The following VPS13B variants were observed in gnomAD, a reference collection of about 807,000 sequenced individuals.
The protein encoded by VPS13B is intermembrane lipid transfer protein VPS13B.
In VPS13B, 285 loss-of-function variants were observed where a neutral mutation model predicts 426.4. The observed-to-expected ratio is 0.67, with a 90% confidence interval of 0.61 to 0.74. The LOEUF is 0.74. Ranked by LOEUF, VPS13B falls within the 30% of genes least tolerant of loss-of-function variation. The pLI is 0.00. For synonymous variants in VPS13B, 1,676 were observed against 1,676.4 expected, an observed-to-expected ratio of 1.00 and a Z score of 0.01; for missense variants, 4,537 against 4,782.6, an observed-to-expected ratio of 0.95 and a Z score of 1.51.
At chr8:99,679,442 C>CT (rs1408395658) in intron 35 of VPS13B, among the ~76,000 whole-genome samples, 1 of 152,076 alleles carries the variant, frequency 6.6e-6, no homozygotes, top group African/African-American at 2.4e-5. Flanking sequence ...ATAATTAGAA[C>CT]TTTTGTGTTG....
chr8:99,132,430 C>T (rs1187723768), intron 8 of VPS13B, among the ~76,000 whole-genome samples: 2 of 152,142 alleles, frequency 1.3e-5, no homozygotes, highest in Non-Finnish European at 2.9e-5. Flanking sequence ...CTTCCTCCAC[C>T]TAAGTCTTGA....
intron 19 of VPS13B, among the ~76,000 whole-genome samples, chr8:99,300,792 C>T (rs1451775338): frequency 1.3e-5 from 2 of 151,754 alleles, no homozygotes; most frequent in African/African-American, 4.8e-5. Flanking sequence ...TGCTGTGTAC[C>T]TCAAGTATCC....
intron 6 of VPS13B, among the ~76,000 whole-genome samples, chr8:99,115,302 AT>A (rs1200403101): frequency 2.0e-5 from 3 of 152,038 alleles, no homozygotes; most frequent in Non-Finnish European, 4.4e-5. Context: ...ATGACATAAA[AT>A]TTTTATTATT....
chr8:99,181,256 TATCGAGTGAAA>T (rs1812932079), intron 16 of VPS13B, among the ~76,000 whole-genome samples: 1 of 152,170 alleles, frequency 6.6e-6, no homozygotes, highest in South Asian at 2.1e-4. Flanking sequence ...TCATGATAAA[TATCGAGTGAAA>T]AAAGGTCACA....
At chr8:99,572,241 A>G (rs1825513952) in intron 31 of VPS13B, among the ~76,000 whole-genome samples, 1 of 152,242 alleles carries the variant, frequency 6.6e-6, no homozygotes, top group East Asian at 1.9e-4. Context: ...GATCTATACC[A>G]GCACAAACTT....
chr8:99,836,335 A>T (rs1007110030), intron 54 of VPS13B, among the ~76,000 whole-genome samples: 1 of 152,184 alleles, frequency 6.6e-6, no homozygotes, highest in East Asian at 1.9e-4. Flanking sequence ...ATATATTTAT[A>T]GTGTTGTATA....
rs188622286 is a variant in VPS13B at position 99,323,129 on chromosome 8, A to G, written c.2824+47875A>G. ...TTCGTTCCTTTTGAGCAAGGGAGGA[A>G]GTACAGGTGAATGTGTTTAATAGAT... is the stretch of plus-strand genomic sequence containing the variant. On this transcript the variant is annotated intron_variant, in intron 19 of 61. Transcript: ENST00000357162. Among the ~76,000 whole-genome samples, 26 of 152,334 alleles carry G rather than the reference A, an allele frequency of 1.7e-4. No individual in the cohort carries two copies. In the East Asian group the frequency reaches 4.4e-3, roughly 26 times the overall value.
chr8:99,156,786 T>G (rs1380793019), intron 15 of VPS13B, 43 bp downstream of exon 15: 2 of 1,600,776 alleles, frequency 1.2e-6, no homozygotes, highest in Non-Finnish European at 1.7e-6. Flanking sequence ...TGGGTTTGGC[T>G]TTGGGATCAT....
chr8:99,455,587 C>T (rs760326997), intron 23 of VPS13B, among the ~76,000 whole-genome samples: 13 of 152,040 alleles, frequency 8.6e-5, no homozygotes, highest in Admixed American at 2.0e-4. Flanking sequence ...AGAACATTTC[C>T]ATTATCCCAA....
At chr8:99,062,808 A>G (rs1031277857) in intron 3 of VPS13B, among the ~76,000 whole-genome samples, 4 of 152,190 alleles carry the variant, frequency 2.6e-5, no homozygotes, top group Non-Finnish European at 5.9e-5. Flanking sequence ...ATAAGAATAC[A>G]TTATTCTCTT....
At chr8:99,451,445 T>C (rs1298904287) in intron 23 of VPS13B, among the ~76,000 whole-genome samples, 1 of 152,210 alleles carries the variant, frequency 6.6e-6, no homozygotes, top group Non-Finnish European at 1.5e-5. Context: ...TTACAAGCTA[T>C]TGGGAAGAGT....
rs750734762 is a variant in VPS13B, at chr8:99,275,133, T to C, written c.2703T>C (p.Thr901=). 6.2e-7 allele frequency: 1 copy of C among 1,612,384 alleles called. No homozygotes were observed. The highest frequency in any genetic ancestry group is 1.1e-5 in the South Asian group (1 of 90,746). The stretch of plus-strand genomic sequence containing the variant: ...CCTTGCTTCAGGGTCCTTCTGACAC[T>C]AAAGACCTTCATAGCACCAAGTGGC... The part of the protein sequence containing the change: ...LIPLLQGPSD[T]KDLHSTKWLN... Residue 901 remains threonine (T), a synonymous_variant, in exon 19 of 62, where the codon ACT becomes ACC. Coordinates refer to ENST00000357162, the MANE Select transcript of VPS13B (RefSeq NM_152564.5).
chr8:99,629,458 A>G (rs149324114), intron 33 of VPS13B, among the ~76,000 whole-genome samples: 18 of 152,332 alleles, frequency 1.2e-4, no homozygotes, highest in African/African-American at 3.8e-4. Flanking sequence ...AAATTGCAGT[A>G]TATATACTAA....
At chr8:99,209,850 G>T (rs1814970954) in intron 17 of VPS13B, 1 of 587,974 alleles carries the variant, frequency 1.7e-6, no homozygotes, top group African/African-American at 2.0e-5. Context: ...AAATACTTCA[G>T]TTACAGAACT....
intron 8 of VPS13B, among the ~76,000 whole-genome samples, chr8:99,130,080 A>G (rs1254832410): frequency 1.3e-5 from 2 of 152,238 alleles, no homozygotes; most frequent in Non-Finnish European, 2.9e-5. Context: ...AAATTTTTAT[A>G]GACTTCTTGG....
intron 3 of VPS13B, among the ~76,000 whole-genome samples, chr8:99,083,368 G>A (rs1285570881): frequency 6.6e-6 from 1 of 152,124 alleles, no homozygotes; most frequent in Non-Finnish European, 1.5e-5. Flanking sequence ...TGAGACGATG[G>A]GGTTTTCTAG....
chr8:99,186,575 A>G (rs1588123768), intron 16 of VPS13B, among the ~76,000 whole-genome samples: 1 of 152,166 alleles, frequency 6.6e-6, no homozygotes, highest in Non-Finnish European at 1.5e-5. Flanking sequence ...GTATTGTTAC[A>G]TTAACAGATA....
intron 17 of VPS13B, among the ~76,000 whole-genome samples, chr8:99,201,100 TC>T (rs1190204950): frequency 6.6e-6 from 1 of 152,126 alleles, no homozygotes; most frequent in African/African-American, 2.4e-5. Flanking sequence ...AGACTATTTT[TC>T]TTTCCTTTCT....
intron 17 of VPS13B, among the ~76,000 whole-genome samples, chr8:99,194,253 A>T (rs1334172479): frequency 6.6e-6 from 1 of 152,178 alleles, no homozygotes; most frequent in Non-Finnish European, 1.5e-5. Flanking sequence ...TTATGAAAAG[A>T]CTTAGAGTTT....
Sources: gnomAD v4.1 joint callset for allele counts (sites outside exome capture counted in the v4.1 genomes callset) on GRCh38, gnomAD v4.1.1 for gene constraint, MANE v1.5 for transcripts, NCBI Gene and HGNC (gene_info 2026-07-23, HGNC 2026-07-21) for gene names.